The following ITGA9 variants were observed in gnomAD, a reference collection of about 807,000 sequenced individuals.
The protein encoded by ITGA9 is integrin subunit alpha 9.
ITGA9 carries 56 observed loss-of-function variants against 127.8 expected under a neutral mutation model. That is an observed-to-expected ratio of 0.44 (90% CI 0.35 to 0.55). The LOEUF is 0.55. Among genes scored for constraint, ITGA9 ranks in the 20% least tolerant of loss-of-function variants. ITGA9 has a pLI of 0.00. For missense variants in ITGA9, 1,196 were observed against 1,347.1 expected (o/e 0.89, Z 1.76); for synonymous variants, 508 against 514.5 (o/e 0.99, Z 0.17).
intron 14 of ITGA9, among the ~76,000 whole-genome samples, chr3:37,541,710 A>C (rs1490795587): frequency 6.6e-6 from 1 of 152,218 alleles, no homozygotes; most frequent in African/African-American, 2.4e-5. Context: ...TAGGCACTAC[A>C]AAATGTTTGA....
At chr3:37,501,263 A>G (rs1698784466) in intron 5 of ITGA9, among the ~76,000 whole-genome samples, 1 of 152,180 alleles carries the variant, frequency 6.6e-6, no homozygotes, top group Admixed American at 6.5e-5. Context: ...CCTCTGATGG[A>G]TACAAGCACA....
At chr3:37,721,745 G>A (rs1701192357) in intron 18 of ITGA9, among the ~76,000 whole-genome samples, 1 of 152,036 alleles carries the variant, frequency 6.6e-6, no homozygotes, top group Admixed American at 6.5e-5. Context: ...CATCTGCGCT[G>A]GAGTCACTGT....
rs114308576 is a variant in ITGA9 at position 37,633,292 on chromosome 3, A to T, written c.1839+3956A>T. 3.8e-3 allele frequency among the ~76,000 whole-genome samples: 572 copies of T among 152,328 alleles called. 2 individuals are homozygous for T. Among genetic ancestry groups the T allele is most frequent in the Middle Eastern group, 0.024 (7 of 294 alleles). On this transcript the variant is annotated intron_variant, in intron 16 of 27. Transcript: ENST00000264741. ...ATAGAAATAAGATAATTACCTGTAC[A>T]GATTCTCCTTGACTCACGATGGGGT...
At chr3:37,566,696 G>A (rs1025588625) in intron 15 of ITGA9, among the ~76,000 whole-genome samples, 1 of 152,118 alleles carries the variant, frequency 6.6e-6, no homozygotes, top group African/African-American at 2.4e-5. Flanking sequence ...AATTTCATAT[G>A]GTCATTGCCT....
At chr3:37,780,624 G>C (rs987733526) in intron 25 of ITGA9, among the ~76,000 whole-genome samples, 1 of 152,134 alleles carries the variant, frequency 6.6e-6, no homozygotes, top group African/African-American at 2.4e-5. Context: ...TGTGAATAGT[G>C]CTGCAATAAA....
intron 5 of ITGA9, among the ~76,000 whole-genome samples, chr3:37,496,310 T>C (rs915710881): frequency 6.6e-6 from 1 of 152,234 alleles, no homozygotes; most frequent in Non-Finnish European, 1.5e-5. Context: ...AGAATCATTT[T>C]TATGACAGTC....
chr3:37,560,564 G>A (rs924730543), intron 15 of ITGA9, among the ~76,000 whole-genome samples: 5 of 152,238 alleles, frequency 3.3e-5, no homozygotes, highest in South Asian at 2.1e-4. Flanking sequence ...TTACACTCCC[G>A]CCAACAGTGT....
At chr3:37,584,583 C>A (rs2125611607) in intron 15 of ITGA9, among the ~76,000 whole-genome samples, 1 of 152,084 alleles carries the variant, frequency 6.6e-6, no homozygotes, top group East Asian at 1.9e-4. Flanking sequence ...GATGAAACCC[C>A]ATCTCTACTA....
rs1270398994 is a variant in ITGA9 at position 37,452,625 on chromosome 3, C to T, written c.185+66C>T. 2 of 1,318,496 alleles carry T rather than the reference C, an allele frequency of 1.5e-6. No individual in the cohort carries two copies. The highest frequency in any genetic ancestry group is 3.2e-5 in the East Asian group (1 of 31,364). The allele number at this position is 1,318,496 out of a possible 1,614,324, so 81.7% of individuals were successfully genotyped here. A position where few individuals can be genotyped will look rare whatever the true frequency, so the allele number is the denominator to read the frequency against. ...CACCGCCCCGGCCCCCAGGCCAGCG[C>T]CGCCGCCGCCTTTCCGGTCTCTTCC... is the stretch of plus-strand genomic sequence containing the variant. On this transcript the variant is annotated intron_variant, in intron 1 of 27. Coordinates refer to ENST00000264741, the MANE Select transcript of ITGA9 (RefSeq NM_002207.3). This position sits in a 1 kb window ranked among gnomAD's most constrained non-coding sequence, Gnocchi z 7.3.
At chr3:37,787,693 C>T (rs1214003341) in intron 26 of ITGA9, among the ~76,000 whole-genome samples, 3 of 152,170 alleles carry the variant, frequency 2.0e-5, no homozygotes, top group South Asian at 4.1e-4. Context: ...ATCTTCCCTG[C>T]GTGATTCTTC....
rs111445629 is a variant in ITGA9, at chr3:37,472,585, G to T, written c.314-769G>T. Among the ~76,000 whole-genome samples the T allele has an allele frequency of 8.7e-3, 1,326 of 152,020 alleles. 9 individuals are homozygous for T. Among genetic ancestry groups the T allele is most frequent in the African/African-American group, 0.019 (796 of 41,482 alleles). Reference sequence around the variant, plus strand: ...TAATTTTTGTGTTTTTAGTGGAGACGGGGTTTCGCCATGTTGGCCAGGCTG... The same window carrying T: ...TAATTTTTGTGTTTTTAGTGGAGACTGGGTTTCGCCATGTTGGCCAGGCTG... On this transcript the variant is annotated intron_variant, in intron 2 of 27. Coordinates refer to ENST00000264741, the MANE Select transcript of ITGA9 (RefSeq NM_002207.3).
intron 17 of ITGA9, among the ~76,000 whole-genome samples, chr3:37,675,408 A>G (rs1209312924): frequency 6.6e-6 from 1 of 151,872 alleles, no homozygotes; most frequent in East Asian, 1.9e-4. Flanking sequence ...CCCCTTCCCT[A>G]CTGGTGTTTT....
chr3:37,670,349 C>T (rs1274946594), intron 17 of ITGA9, among the ~76,000 whole-genome samples: 1 of 152,104 alleles, frequency 6.6e-6, no homozygotes, highest in Non-Finnish European at 1.5e-5. Flanking sequence ...TCCCTCTGTC[C>T]ATCACAGCCT....
intron 13 of ITGA9, among the ~76,000 whole-genome samples, chr3:37,529,514 C>T (rs1268005578): frequency 1.3e-5 from 2 of 152,172 alleles, no homozygotes; most frequent in Non-Finnish European, 1.5e-5. Context: ...GACTGCTTCT[C>T]CAGAAGCTTG....
At chr3:37,569,108 A>G (rs1406079879) in intron 15 of ITGA9, among the ~76,000 whole-genome samples, 1 of 152,240 alleles carries the variant, frequency 6.6e-6, no homozygotes, top group East Asian at 1.9e-4. Flanking sequence ...ACAGAAAAAG[A>G]GGTTTAATGG....
In ITGA9 at chr3:37,452,462, T is replaced by A. The variant is rs1698202319; in HGVS notation, c.88T>A (p.Tyr30Asn). The change falls in exon 1 of 28, where the codon TAC (tyrosine) becomes AAC (asparagine). Residue 30 changes from tyrosine (Y) to asparagine (N), a missense_variant. Coordinates refer to ENST00000264741, the MANE Select transcript of ITGA9 (RefSeq NM_002207.3). The surrounding 1 kb of genome is among the most constrained non-coding windows in gnomAD (Gnocchi z 7.3). ...LVVAGIPAGA[Y>N]NLDPQRPVHF... ...GGTCGCGGGGATCCCCGCGGGCGCC[T>A]ACAACCTCGACCCGCAGCGCCCCGT... The A allele has an allele frequency of 2.0e-6, 3 of 1,495,428 alleles. No individual in the cohort carries two copies. Among genetic ancestry groups the A allele is most frequent in the Non-Finnish European group, 2.7e-6 (3 of 1,121,644 alleles). 92.6% of individuals were successfully genotyped at this position (1,495,428 alleles called of 1,614,324 possible).
chr3:37,736,958 C>G lies in ITGA9; in HGVS notation c.2209C>G (p.Leu737Val). The change falls in exon 20 of 28, where the codon CTC becomes GTC. Residue 737 changes from leucine to valine, a missense_variant. Leu to Val is a conservative substitution (Grantham distance 32). Transcript: ENST00000264741. ...TSHLSGEEEV[L>V]SFIVTAQSGN... is the part of the protein sequence containing the mutation. Reference sequence around the variant, plus strand: ...CCACCTGTCTGGGGAAGAGGAAGTTCTCAGCTTCATTGTTACTGCTCAGAG... The same window carrying G: ...CCACCTGTCTGGGGAAGAGGAAGTTGTCAGCTTCATTGTTACTGCTCAGAG... 6.2e-7 allele frequency: 1 copy of G among 1,612,660 alleles called. No individual in the cohort carries two copies. The highest frequency in any genetic ancestry group is 8.5e-7 in the Non-Finnish European group (1 of 1,178,720).
At chr3:37,648,437 A>G (rs1700399937) in intron 16 of ITGA9, among the ~76,000 whole-genome samples, 1 of 152,212 alleles carries the variant, frequency 6.6e-6, no homozygotes, top group Admixed American at 6.5e-5. Context: ...TAGCCTGGGC[A>G]ACATAATGAG....
chr3:37,578,361 T>C (rs1699673009), intron 15 of ITGA9, among the ~76,000 whole-genome samples: 1 of 152,226 alleles, frequency 6.6e-6, no homozygotes, highest in African/African-American at 2.4e-5. Context: ...CTTGCCTCCT[T>C]CAGAAGGGTC....
Sources: gnomAD v4.1 joint callset for allele counts (sites outside exome capture counted in the v4.1 genomes callset) on GRCh38, gnomAD v4.1.1 for gene constraint, Gnocchi (gnomAD v3.1) non-coding constraint, MANE v1.5 for transcripts, NCBI Gene and HGNC (gene_info 2026-07-23, HGNC 2026-07-21) for gene names.